Variants in MAF observed in about 807,000 individuals in gnomAD.
MAF encodes the protein MAF bZIP transcription factor.
Under a neutral mutation model 22.0 loss-of-function variants are expected in MAF, and 10 were observed. The observed-to-expected ratio is 0.45, with a 90% confidence interval of 0.28 to 0.77. MAF has a LOEUF of 0.77. MAF is among the 30% of genes least tolerant of loss of function. The probability of loss-of-function intolerance (pLI) is 0.12; values close to 1 mark genes in which losing one functional copy is unlikely to be tolerated. For missense variants in MAF, 544 were observed against 548.4 expected, an observed-to-expected ratio of 0.99 and a Z score of 0.08; for synonymous variants, 337 against 255.8, an observed-to-expected ratio of 1.32 and a Z score of -3.03.
At chr16:79,336,437 C>G in the MAF span, among the ~76,000 whole-genome samples, 2 of 152,096 alleles carry the variant, frequency 1.3e-5, no homozygotes, top group Non-Finnish European at 2.9e-5. Context: ...ATCTGTGTTC[C>G]TAATTATTCT....
chr16:79,560,731 GGC>G, the MAF span, among the ~76,000 whole-genome samples: 4 of 152,082 alleles, frequency 2.6e-5, no homozygotes, highest in East Asian at 5.8e-4. Flanking sequence ...ACTGGAAATT[GGC>G]TACTCATCCA....
At chr16:79,547,904 G>GAGAGAGAGAGAGAC in the MAF span, among the ~76,000 whole-genome samples, 236 of 135,060 alleles carry the variant, frequency 1.7e-3, no homozygotes, top group South Asian at 5.1e-3. Flanking sequence ...GTGTGTGTGA[G>GAGAGAGAGAGAGAC]AGAGAGAGAG....
the MAF span, among the ~76,000 whole-genome samples, chr16:79,370,263 G>C: frequency 1.3e-5 from 2 of 152,124 alleles, no homozygotes; most frequent in Admixed American, 1.3e-4. Flanking sequence ...TTATTCTTTG[G>C]GTTGAGACTG....
At chr16:79,353,482 T>TCA in the MAF span, among the ~76,000 whole-genome samples, 3 of 152,208 alleles carry the variant, frequency 2.0e-5, no homozygotes, top group African/African-American at 7.2e-5. Flanking sequence ...TAATGGTCCC[T>TCA]CACACACTTG....
At chr16:79,393,120 G>C in the MAF span, among the ~76,000 whole-genome samples, 8 of 152,204 alleles carry the variant, frequency 5.3e-5, no homozygotes, top group Admixed American at 5.2e-4. Flanking sequence ...AGAGGATGTT[G>C]ATTATACTCT....
chr16:79,427,797 T>C, the MAF span, among the ~76,000 whole-genome samples: 1 of 152,150 alleles, frequency 6.6e-6, no homozygotes, highest in Non-Finnish European at 1.5e-5. Flanking sequence ...TTGGTATAGC[T>C]GGCTTTCCAT....
At chr16:79,358,941 A>T in the MAF span, among the ~76,000 whole-genome samples, 69,944 of 151,954 alleles carry the variant, frequency 0.46, 16,429 homozygotes, top group South Asian at 0.61. Flanking sequence ...GGTACAGGCC[A>T]CCCCTGGCTG....
chr16:79,221,410 T>C, the MAF span, among the ~76,000 whole-genome samples: 2 of 152,146 alleles, frequency 1.3e-5, no homozygotes, highest in Non-Finnish European at 2.9e-5. Context: ...TCACTCTATG[T>C]GTTCCCAAAG....
chr16:79,557,915 C>T, the MAF span, among the ~76,000 whole-genome samples: 1 of 151,910 alleles, frequency 6.6e-6, no homozygotes, highest in African/African-American at 2.4e-5. Flanking sequence ...AAGAGAAGGA[C>T]TCCTGAGGGA....
chr16:79,208,631 A>ATC, the MAF span, among the ~76,000 whole-genome samples: 3 of 151,074 alleles, frequency 2.0e-5, no homozygotes, highest in African/African-American at 7.3e-5. Flanking sequence ...TGCTCTTTAA[A>ATC]TTTTTTTTTT....
chr16:79,552,231 T>C, the MAF span, among the ~76,000 whole-genome samples: 1 of 147,600 alleles, frequency 6.8e-6, no homozygotes, highest in Non-Finnish European at 1.5e-5. Flanking sequence ...TTTTTTTTTT[T>C]CAGTCAGTGT....
chr16:79,429,863 C>T, the MAF span, among the ~76,000 whole-genome samples: 22 of 152,312 alleles, frequency 1.4e-4, no homozygotes, highest in African/African-American at 4.6e-4. Context: ...CCTAACCCCC[C>T]AGGAAAGGTG....
chr16:79,260,934 A>G, the MAF span, among the ~76,000 whole-genome samples: 1 of 152,176 alleles, frequency 6.6e-6, no homozygotes, highest in Non-Finnish European at 1.5e-5. Context: ...CAACCAAACT[A>G]ACATTCTAGA....
At chr16:79,530,922 G>T in the MAF span, among the ~76,000 whole-genome samples, 1 of 152,192 alleles carries the variant, frequency 6.6e-6, no homozygotes, top group Non-Finnish European at 1.5e-5. Context: ...CAGATCCTGT[G>T]TCTTTTAGGG....
chr16:79,241,765 A>G, the MAF span, among the ~76,000 whole-genome samples: 1 of 152,058 alleles, frequency 6.6e-6, no homozygotes, highest in Non-Finnish European at 1.5e-5. Flanking sequence ...GTTGAAATAA[A>G]GGAGAAAATA....
chr16:79,354,567 G>A, the MAF span, among the ~76,000 whole-genome samples: 8 of 152,182 alleles, frequency 5.3e-5, no homozygotes, highest in South Asian at 2.1e-4. Flanking sequence ...TAGAGAAGGT[G>A]TAACTGGCCA....
At chr16:79,260,266 T>G in the MAF span, among the ~76,000 whole-genome samples, 1 of 152,154 alleles carries the variant, frequency 6.6e-6, no homozygotes, top group African/African-American at 2.4e-5. Flanking sequence ...TCCTCTTGCC[T>G]CAGCCTCCTG....
At chr16:79,245,148 T>C in the MAF span, among the ~76,000 whole-genome samples, 1 of 152,038 alleles carries the variant, frequency 6.6e-6, no homozygotes, top group East Asian at 1.9e-4. Flanking sequence ...ATTCAGGATA[T>C]AGGCACGGGC....
chr16:79,347,000 C>T, the MAF span, among the ~76,000 whole-genome samples: 1 of 152,090 alleles, frequency 6.6e-6, no homozygotes, highest in Non-Finnish European at 1.5e-5. Context: ...ACAGATACAC[C>T]TGAATCTGAA....
Sources: gnomAD v4.1 joint callset for allele counts (sites outside exome capture counted in the v4.1 genomes callset) on GRCh38, gnomAD v4.1.1 for gene constraint, MANE v1.5 for transcripts, NCBI Gene and HGNC (gene_info 2026-07-23, HGNC 2026-07-21) for gene names.